Variants in RGS7 observed in about 807,000 individuals in gnomAD.
RGS7 encodes the protein regulator of G-protein signaling 7.
Under a neutral mutation model 81.1 loss-of-function variants are expected in RGS7, and 27 were observed. The ratio of observed to expected loss-of-function variants is 0.33; its 90% CI spans 0.25 to 0.46. The LOEUF (loss-of-function observed/expected upper bound fraction) is 0.46, where lower values mean the gene tolerates loss of function less well. Ranked by LOEUF, RGS7 falls within the 20% of genes least tolerant of loss-of-function variation. The pLI, the probability that RGS7 is intolerant of heterozygous loss-of-function variation, is 1.00. For missense variants in RGS7, 396 were observed against 607.4 expected (o/e 0.65, Z 3.66); for synonymous variants, 208 against 207.7 (o/e 1.00, Z -0.01).
chr1:240,930,786 G>A lies in RGS7; in HGVS notation c.334-18C>T, dbSNP rs762410643. On this transcript the variant is annotated intron_variant, in intron 5 of 18. Coordinates refer to ENST00000440928, the MANE Select transcript of RGS7 (RefSeq NM_001364886.1). ...TAGGGGGTCTGCGGAATGAAAAGAA[G>A]TGGAACCCAGATTAGACAAATAAAA... is the stretch of plus-strand genomic sequence containing the variant. The A allele has an allele frequency of 6.2e-7, 1 of 1,613,414 alleles. No individual in the cohort carries two copies. The highest frequency in any genetic ancestry group is 1.1e-5 in the South Asian group (1 of 91,062).
intron 9 of RGS7, among the ~76,000 whole-genome samples, chr1:240,838,428 C>T (rs1051866827): frequency 6.6e-6 from 1 of 152,174 alleles, no homozygotes; most frequent in African/African-American, 2.4e-5. Flanking sequence ...CCTCCCTTTA[C>T]AGGACACACA....
chr1:240,796,530 C>A (rs374790901), intron 18 of RGS7, among the ~76,000 whole-genome samples: 1 of 152,080 alleles, frequency 6.6e-6, no homozygotes, highest in South Asian at 2.1e-4. Context: ...TACTAAAATA[C>A]AAAAAATTAG....
intron 3 of RGS7, among the ~76,000 whole-genome samples, chr1:241,062,760 A>G (rs2061811113): frequency 6.6e-6 from 1 of 152,226 alleles, no homozygotes; most frequent in Non-Finnish European, 1.5e-5. Context: ...ATGCCTAAAA[A>G]TGGCCTCTTG....
At chr1:240,988,166 T>C (rs2148578820) in intron 3 of RGS7, among the ~76,000 whole-genome samples, 1 of 151,294 alleles carries the variant, frequency 6.6e-6, no homozygotes, top group Middle Eastern at 3.4e-3. Context: ...AGTCACTATT[T>C]ATGGACATCT....
At chr1:240,874,047 T>G (rs927087750) in intron 6 of RGS7, among the ~76,000 whole-genome samples, 1 of 152,078 alleles carries the variant, frequency 6.6e-6, no homozygotes, top group Non-Finnish European at 1.5e-5. Flanking sequence ...ATGAGATTAG[T>G]GCTTTTATTA....
intron 4 of RGS7, among the ~76,000 whole-genome samples, chr1:240,955,769 G>T (rs1416772345): frequency 6.6e-6 from 1 of 152,056 alleles, no homozygotes; most frequent in Non-Finnish European, 1.5e-5. Context: ...AAAGAATAGT[G>T]TTTTTCATCC....
rs1030661231 is a variant in RGS7, at chr1:240,937,172, C to T, written c.227-466G>A. 3.3e-5 allele frequency among the ~76,000 whole-genome samples: 5 copies of T among 152,282 alleles called. No homozygotes were observed. The East Asian group carries it at 9.6e-4, about 29-fold the overall frequency. ...CAGTTTAGATTGTGTGGTACGACTC[C>T]AGCCAATGGGGACAGGACACAGAAG... is the stretch of plus-strand genomic sequence containing the variant. On this transcript the variant is annotated intron_variant, in intron 4 of 18. Coordinates refer to ENST00000440928, the MANE Select transcript of RGS7 (RefSeq NM_001364886.1).
chr1:241,039,913 T>G (rs1339718406), intron 3 of RGS7, among the ~76,000 whole-genome samples: 2 of 151,852 alleles, frequency 1.3e-5, no homozygotes, highest in African/African-American at 2.4e-5. Flanking sequence ...GTTAAGACAC[T>G]AAGATTCAGG....
chr1:241,345,972 G>A (rs146186140), intron 2 of RGS7, among the ~76,000 whole-genome samples: 1,630 of 152,090 alleles, frequency 0.011, 18 homozygotes, highest in Non-Finnish European at 0.013. Context: ...CCGAGATCAC[G>A]CCACTGCACT....
At chr1:241,019,929 T>C (rs2059455607) in intron 3 of RGS7, among the ~76,000 whole-genome samples, 1 of 152,172 alleles carries the variant, frequency 6.6e-6, no homozygotes, top group South Asian at 2.1e-4. Flanking sequence ...TTTGTCCAGA[T>C]TTTTCTTGCT....
At chr1:241,336,978 G>A (rs891003055) in intron 2 of RGS7, among the ~76,000 whole-genome samples, 24 of 152,124 alleles carry the variant, frequency 1.6e-4, no homozygotes, top group African/African-American at 5.8e-4. Context: ...ACCCAGTAGG[G>A]AAGTAGCTTG....
chr1:241,024,692 A>C (rs908962702), intron 3 of RGS7, among the ~76,000 whole-genome samples: 1 of 152,224 alleles, frequency 6.6e-6, no homozygotes, highest in Non-Finnish European at 1.5e-5. Context: ...AAACTAACAA[A>C]CATAGGGAGA....
intron 18 of RGS7, among the ~76,000 whole-genome samples, chr1:240,800,112 C>T (rs1287441779): frequency 1.8e-4 from 27 of 152,188 alleles, no homozygotes; most frequent in Admixed American, 1.8e-3. Flanking sequence ...AAACAATACA[C>T]AGAGTACCTC....
chr1:240,946,802 A>G (rs1454335288), intron 4 of RGS7, among the ~76,000 whole-genome samples: 1 of 152,178 alleles, frequency 6.6e-6, no homozygotes, highest in African/African-American at 2.4e-5. Context: ...TTGGTGCTCT[A>G]TTACACAGTA....
At chr1:241,207,055 G>A (rs1214747328) in intron 2 of RGS7, among the ~76,000 whole-genome samples, 38 of 128,784 alleles carry the variant, frequency 3.0e-4, no homozygotes, top group Non-Finnish European at 2.2e-4. Context: ...TGCAAGCTCC[G>A]CCTCCCGGGT....
chr1:240,886,805 T>C (rs1285894554), intron 6 of RGS7, among the ~76,000 whole-genome samples: 1 of 152,114 alleles, frequency 6.6e-6, no homozygotes, highest in Admixed American at 6.5e-5. Context: ...GGGAAGAAAA[T>C]AGTGATCATT....
intron 4 of RGS7, among the ~76,000 whole-genome samples, chr1:240,981,299 AG>A (rs1169346121): frequency 1.3e-5 from 2 of 152,046 alleles, no homozygotes; most frequent in African/African-American, 4.8e-5. Context: ...TAGTAGAGGC[AG>A]GGTTTTTCAC....
chr1:241,194,359 A>G (rs554672853), intron 2 of RGS7, among the ~76,000 whole-genome samples: 22 of 152,318 alleles, frequency 1.4e-4, no homozygotes, highest in Non-Finnish European at 3.1e-4. Context: ...AAAGAATTTT[A>G]TCAGTATAAT....
At chr1:240,913,630 G>GA (rs1409833654) in intron 6 of RGS7, among the ~76,000 whole-genome samples, 2 of 151,852 alleles carry the variant, frequency 1.3e-5, no homozygotes, top group Non-Finnish European at 2.9e-5. Flanking sequence ...TTGCTAAAAC[G>GA]AAAAAACTTC....
Sources: allele counts gnomAD v4.1 joint callset (sites outside exome capture counted in the v4.1 genomes callset), GRCh38; gene constraint gnomAD v4.1.1; transcripts MANE v1.5; gene names NCBI Gene and HGNC (gene_info 2026-07-23, HGNC 2026-07-21).